PRKG1: variants seen among roughly 807,000 people sequenced by gnomAD.
The protein encoded by PRKG1 is protein kinase cGMP-dependent 1.
Under a neutral mutation model 88.1 loss-of-function variants are expected in PRKG1, and 35 were observed. The ratio of observed to expected loss-of-function variants is 0.40; its 90% confidence interval spans 0.30 to 0.53. PRKG1 has a LOEUF of 0.53. Ranked by LOEUF, PRKG1 falls within the 20% of genes least tolerant of loss-of-function variation. The probability of loss-of-function intolerance (pLI) is 0.59; values close to 1 mark genes in which losing one functional copy is unlikely to be tolerated. For synonymous variants in PRKG1, 303 were observed against 292.5 expected (o/e 1.04, Z -0.37); for missense variants, 540 against 839.8 (o/e 0.64, Z 4.41).
intron 4 of PRKG1, among the ~76,000 whole-genome samples, chr10:51,839,150 A>AT (rs567682997): frequency 4.9e-5 from 7 of 142,498 alleles, no homozygotes; most frequent in Middle Eastern, 6.9e-3. Flanking sequence ...CTTTATTATT[A>AT]TTTTTTTAAC....
rs895866168 is a variant in PRKG1, at chr10:51,710,187, G to A, written c.593-94398G>A. ...GGTGCTCAGATTTGAGTCTCTGGCA[G>A]AACAGCTGTGCCTGCAAGGAGTTTC... On this transcript the variant is annotated intron_variant, in intron 3 of 17. Coordinates refer to ENST00000373980, the MANE Select transcript of PRKG1 (RefSeq NM_006258.4). 5.3e-5 allele frequency among the ~76,000 whole-genome samples: 8 copies of A among 152,086 alleles called. No homozygotes were observed. The East Asian group carries it at 1.5e-3, about 29-fold the overall frequency.
intron 3 of PRKG1, among the ~76,000 whole-genome samples, chr10:51,482,714 A>G (rs1840399881): frequency 6.6e-6 from 1 of 152,196 alleles, no homozygotes; most frequent in Non-Finnish European, 1.5e-5. Flanking sequence ...TGGCAGAAAC[A>G]TGGTCATCCA....
intron 3 of PRKG1, among the ~76,000 whole-genome samples, chr10:51,747,354 A>G (rs561799905): frequency 3.8e-4 from 58 of 152,282 alleles, no homozygotes; most frequent in South Asian, 1.0e-3. Flanking sequence ...TAGCCTATTG[A>G]AGAAGCCACT....
intron 4 of PRKG1, 99 bp downstream of exon 4, chr10:51,804,789 C>A: frequency 1.3e-6 from 1 of 772,946 alleles, no homozygotes; most frequent in South Asian, 1.6e-5. Flanking sequence ...TTTTGCCTTT[C>A]TCTCAGTCAT....
chr10:51,765,248 TAGAC>T (rs1838128224), intron 3 of PRKG1, among the ~76,000 whole-genome samples: 1 of 152,182 alleles, frequency 6.6e-6, no homozygotes, highest in Non-Finnish European at 1.5e-5. Flanking sequence ...GGAAGCATGA[TAGAC>T]AGTGCAGGAG....
intron 1 of PRKG1, among the ~76,000 whole-genome samples, chr10:51,047,569 A>G (rs894844009): frequency 4.0e-5 from 6 of 151,620 alleles, no homozygotes; most frequent in African/African-American, 1.5e-4. Context: ...ATTGAGTAGT[A>G]ATTTAAAGGT....
chr10:50,999,246 G>C (rs1360688362), intron 1 of PRKG1, among the ~76,000 whole-genome samples: 6 of 152,092 alleles, frequency 3.9e-5, no homozygotes, highest in African/African-American at 1.4e-4. Flanking sequence ...TGTTATTCAA[G>C]GATTTGATTT....
chr10:51,467,752 G>A lies in PRKG1; in HGVS notation c.508G>A (p.Val170Met), dbSNP rs1839945320. Residue 170 changes from valine (V) to methionine (M), a missense_variant, in exon 3 of 18, where the codon GTG (valine) becomes ATG (methionine). This residue lies in a region of PRKG1 where 400 missense variants were observed against 562.7 expected (regional missense o/e 0.71). Coordinates refer to ENST00000373980, the MANE Select transcript of PRKG1 (RefSeq NM_006258.4). ...TAAGGTTGAAGTTACAAAAGAAGGT[G>A]TGAAGTTGTGTACCATGGGTCCAGG... ...DGKVEVTKEGVKLCTMGPGKV... is the reference protein window; with the variant it reads ...DGKVEVTKEGMKLCTMGPGKV... The A allele has an allele frequency of 1.9e-6, 3 of 1,612,744 alleles. No homozygotes were observed. The highest frequency in any genetic ancestry group is 2.5e-6 in the Non-Finnish European group (3 of 1,178,928).
At chr10:51,073,427 G>T (rs1843865304), upstream of PRKG1, among the ~76,000 whole-genome samples, 1 of 152,110 alleles carries the variant, frequency 6.6e-6, no homozygotes, top group African/African-American at 2.4e-5. Flanking sequence ...ATTTTTAAAG[G>T]TATGATTCAG....
chr10:51,782,442 G>A (rs1344749209), intron 3 of PRKG1, among the ~76,000 whole-genome samples: 3 of 152,002 alleles, frequency 2.0e-5, no homozygotes, highest in African/African-American at 4.8e-5. Flanking sequence ...CATATCATAC[G>A]AGGCAGGTAC....
intron 3 of PRKG1, among the ~76,000 whole-genome samples, chr10:51,628,118 A>C (rs7911336): frequency 2.8e-3 from 136 of 48,206 alleles, no homozygotes; most frequent in Non-Finnish European, 5.1e-3. Flanking sequence ...TTCCTTCTTT[A>C]TTTCTCTTTC....
intron 5 of PRKG1, among the ~76,000 whole-genome samples, chr10:51,983,771 G>C (rs1205914687): frequency 6.6e-6 from 1 of 152,154 alleles, no homozygotes; most frequent in African/African-American, 2.4e-5. Flanking sequence ...GGGGTATCCT[G>C]CTGAGATTCC....
intron 2 of PRKG1, among the ~76,000 whole-genome samples, chr10:51,461,089 A>T (rs1416851402): frequency 6.6e-6 from 1 of 152,178 alleles, no homozygotes; most frequent in Non-Finnish European, 1.5e-5. Flanking sequence ...GTTTTAGTTC[A>T]TATGCAATAT....
chr10:52,120,813 G>A (rs528336405), intron 7 of PRKG1, among the ~76,000 whole-genome samples: 2 of 152,130 alleles, frequency 1.3e-5, no homozygotes, highest in South Asian at 2.1e-4. Flanking sequence ...GCGGCTCTAC[G>A]GTTATGGCGT....
chr10:52,202,828 T>C (rs1378686650), intron 9 of PRKG1, among the ~76,000 whole-genome samples: 2 of 152,168 alleles, frequency 1.3e-5, no homozygotes, highest in East Asian at 1.9e-4. Context: ...GGTGTTATAA[T>C]AGTCTCTGAG....
In PRKG1 at chr10:51,966,483, G is replaced by A. The variant is rs78391224; in HGVS notation, c.762+58913G>A. Among the ~76,000 whole-genome samples, 429 of 151,680 alleles carry A rather than the reference G, an allele frequency of 2.8e-3. 4 individuals are homozygous for A. In the East Asian group the frequency reaches 0.033, roughly 12 times the overall value. On this transcript the variant is annotated intron_variant, in intron 5 of 17. Transcript: ENST00000373980. ...TGTCCTATTAACACTTTTTCTTTCC[G>A]TATTTCCTTACTTTAACTGGCATTT...
chr10:52,204,443 A>C (rs978033803), intron 9 of PRKG1, among the ~76,000 whole-genome samples: 1 of 152,144 alleles, frequency 6.6e-6, no homozygotes, highest in Admixed American at 6.5e-5. Flanking sequence ...CGTTGTGGGA[A>C]GTCAGGGACC....
intron 3 of PRKG1, among the ~76,000 whole-genome samples, chr10:51,526,934 T>G (rs1271899617): frequency 1.3e-5 from 2 of 152,096 alleles, no homozygotes; most frequent in African/African-American, 4.8e-5. Flanking sequence ...GAGCCAGGAG[T>G]TGGCAAACTT....
At chr10:51,525,745 GATAAA>G (rs1841866218) in intron 3 of PRKG1, among the ~76,000 whole-genome samples, 2 of 151,182 alleles carry the variant, frequency 1.3e-5, no homozygotes, top group African/African-American at 2.4e-5. Context: ...CTTATGAAAT[GATAAA>G]ATAAACTCCC....
Sources: gnomAD v4.1 joint callset for allele counts (sites outside exome capture counted in the v4.1 genomes callset) on GRCh38, gnomAD v4.1.1 for gene constraint, gnomAD v4.1.1 regional missense constraint, MANE v1.5 for transcripts, NCBI Gene and HGNC (gene_info 2026-07-23, HGNC 2026-07-21) for gene names.